ZNF346: variants seen among roughly 807,000 people sequenced by gnomAD.
ZNF346 encodes double-stranded RNA-binding zinc finger protein JAZ.
In ZNF346, 23 loss-of-function variants were observed where a neutral mutation model predicts 33.7. That is an observed-to-expected ratio of 0.68 (90% CI 0.49 to 0.97). The LOEUF (loss-of-function observed/expected upper bound fraction) is 0.97. Among genes scored for constraint, ZNF346 ranks in the 50% least tolerant of loss-of-function variants. The pLI is 0.00. For synonymous variants in ZNF346, 134 were observed against 142.4 expected, an observed-to-expected ratio of 0.94 and a Z score of 0.42; for missense variants, 340 against 371.1, an observed-to-expected ratio of 0.92 and a Z score of 0.69.
intron 5 of ZNF346, among the ~76,000 whole-genome samples, chr5:177,055,135 G>T (rs1219744819): frequency 6.6e-6 from 1 of 150,488 alleles, no homozygotes; most frequent in African/African-American, 2.4e-5. Flanking sequence ...CTGGGTTCAA[G>T]CAATTCTCCT....
At chr5:177,028,954 C>T (rs1000979655) in intron 1 of ZNF346, among the ~76,000 whole-genome samples, 5 of 151,898 alleles carry the variant, frequency 3.3e-5, no homozygotes, top group Admixed American at 2.0e-4. Flanking sequence ...TTCCTGACCT[C>T]GTAATCTGCC....
chr5:177,064,707 G>T lies in ZNF346; in HGVS notation c.*108G>T. ...CGTTGTTCTCACCAGGAAAGTACAC[G>T]GGCCTGAGGCAGGATTGGGCCACAG... is the stretch of plus-strand genomic sequence containing the variant. On this transcript the variant is annotated 3_prime_UTR_variant, in exon 7 of 7. Transcript: ENST00000358149. 1 of 871,916 alleles carries T rather than the reference G, an allele frequency of 1.1e-6. No individual in the cohort carries two copies. The highest frequency in any genetic ancestry group is 2.4e-5 in the East Asian group (1 of 40,866). 54.0% of individuals were successfully genotyped at this position (871,916 alleles called of 1,614,324 possible). A position where few individuals can be genotyped will look rare whatever the true frequency, so the allele number is the denominator to read the frequency against.
At chr5:177,024,157 TACACACACAC>T (rs144403449) in intron 1 of ZNF346, among the ~76,000 whole-genome samples, 6 of 121,358 alleles carry the variant, frequency 4.9e-5, no homozygotes, top group African/African-American at 9.6e-5. Context: ...ATTTTATGTA[TACACACACAC>T]ACACACACAC....
At chr5:177,045,444 T>C (rs1779907009) in intron 4 of ZNF346, among the ~76,000 whole-genome samples, 1 of 151,864 alleles carries the variant, frequency 6.6e-6, no homozygotes, top group Non-Finnish European at 1.5e-5. Context: ...AAGCTCTACC[T>C]CCCAGGTTCA....
chr5:177,067,005 T>C lies in ZNF346; in HGVS notation c.*2406T>C, dbSNP rs1008665996. Among the ~76,000 whole-genome samples, 3 of 152,144 alleles carry C rather than the reference T, an allele frequency of 2.0e-5. No individual in the cohort carries two copies. Among genetic ancestry groups the C allele is most frequent in the African/African-American group, 4.8e-5 (2 of 41,454 alleles). ...TGAACCCGGGAGGCGGAGGGTCGCATTGAGCCAAGATCGTGCCACTGCACT... is the reference window on the plus strand; with the variant it reads ...TGAACCCGGGAGGCGGAGGGTCGCACTGAGCCAAGATCGTGCCACTGCACT... On this transcript the variant is annotated 3_prime_UTR_variant, in exon 7 of 7. Coordinates refer to ENST00000358149, the MANE Select transcript of ZNF346 (RefSeq NM_012279.4).
chr5:177,033,423 A>C (rs1778007268), intron 1 of ZNF346, among the ~76,000 whole-genome samples: 1 of 151,676 alleles, frequency 6.6e-6, no homozygotes, highest in Non-Finnish European at 1.5e-5. Context: ...ATACCTAAAA[A>C]CCCTTTGCCT....
At position 177,060,130 on chromosome 5, in the gene ZNF346, A is replaced by T. The variant is rs138474957; in HGVS notation, c.704-1928A>T. Among the ~76,000 whole-genome samples the T allele has an allele frequency of 8.3e-3, 1,267 of 152,252 alleles. 9 individuals carry two copies. The highest frequency in any genetic ancestry group is 0.014 in the Non-Finnish European group (977 of 68,002). On this transcript the variant is annotated intron_variant, in intron 5 of 6. Coordinates refer to ENST00000358149, the MANE Select transcript of ZNF346 (RefSeq NM_012279.4). ...GGACTGGGAAGCCGCTGCCAGTTTG[A>T]GCTTTACGGGCGGATCATCCTGGTT...
chr5:177,067,879 T>C lies in ZNF346; in HGVS notation c.*3280T>C, dbSNP rs6879812. ...CAGCACTTTGGGAGGCCAAGGCGGG[T>C]GTATCACTTGCGGCCGGGAGTTTAA... On this transcript the variant is annotated 3_prime_UTR_variant, in exon 7 of 7. Coordinates refer to ENST00000358149, the MANE Select transcript of ZNF346 (RefSeq NM_012279.4). 0.03 allele frequency among the ~76,000 whole-genome samples: 4,526 copies of C among 151,936 alleles called. 237 individuals are homozygous for C. Among genetic ancestry groups the C allele is most frequent in the African/African-American group, 0.1 (4,297 of 41,422 alleles).
chr5:177,053,366 G>A (rs1030627761), intron 5 of ZNF346, among the ~76,000 whole-genome samples: 9 of 150,616 alleles, frequency 6.0e-5, no homozygotes, highest in African/African-American at 9.8e-5. Context: ...GCCTAAGCTG[G>A]TCATGAGCTC....
At chr5:177,045,874 G>A (rs1430299285) in intron 4 of ZNF346, among the ~76,000 whole-genome samples, 1 of 152,098 alleles carries the variant, frequency 6.6e-6, no homozygotes, top group East Asian at 1.9e-4. Context: ...AAGTCACAGA[G>A]TCCCAGGTTT....
chr5:177,028,710 T>TC (rs1220436092), intron 1 of ZNF346, among the ~76,000 whole-genome samples: 3 of 51,780 alleles, frequency 5.8e-5, no homozygotes, highest in African/African-American at 4.8e-4. Flanking sequence ...CCCCTTTCTT[T>TC]TTTTTTTTTT....
In ZNF346 at chr5:177,026,128, C is replaced by G. The variant is rs77706173; in HGVS notation, c.175+3215C>G. Among the ~76,000 whole-genome samples the G allele has an allele frequency of 1.6e-3, 246 of 151,796 alleles. 2 individuals are homozygous for G. In the East Asian group the frequency reaches 0.033, roughly 20 times the overall value. On this transcript the variant is annotated intron_variant, in intron 1 of 6. Transcript: ENST00000358149. ...CAAGCGATTCTCCTGCCTCAGCGTC[C>G]CGAGTAGCTGGGATTACAGGTGTTC...
chr5:177,035,750 C>G (rs1041905822), intron 1 of ZNF346, among the ~76,000 whole-genome samples: 6 of 79,018 alleles, frequency 7.6e-5, no homozygotes, highest in African/African-American at 3.4e-4. Flanking sequence ...ATTCTCCTGC[C>G]TCAGCCTCCC....
intron 8 of ZNF346, among the ~76,000 whole-genome samples, chr5:177,075,731 G>C (rs981109711): frequency 1.3e-5 from 2 of 151,274 alleles, no homozygotes; most frequent in African/African-American, 4.9e-5. Context: ...TTGTCGCCCA[G>C]GCTAGAGTGC....
At chr5:177,071,134 C>G (rs1286509129), downstream of ZNF346, among the ~76,000 whole-genome samples, 3 of 152,172 alleles carry the variant, frequency 2.0e-5, no homozygotes, top group African/African-American at 7.2e-5. Flanking sequence ...GGTCTGAGCA[C>G]TGCCACCAGC....
chr5:177,023,543 A>G (rs1776217076), intron 1 of ZNF346, among the ~76,000 whole-genome samples: 2 of 152,186 alleles, frequency 1.3e-5, no homozygotes, highest in South Asian at 4.1e-4. Context: ...AAAGTTGCTG[A>G]GAACAGTGTA....
chr5:177,071,394 A>C (rs1562048562), downstream of ZNF346, among the ~76,000 whole-genome samples: 4 of 151,354 alleles, frequency 2.6e-5, no homozygotes, highest in South Asian at 8.4e-4. Context: ...AGAAAGAAAA[A>C]AGGGGCCAGG....
intron 5 of ZNF346, among the ~76,000 whole-genome samples, chr5:177,053,162 A>G (rs1225577505): frequency 6.6e-6 from 1 of 152,096 alleles, no homozygotes; most frequent in Non-Finnish European, 1.5e-5. Context: ...CTGAAAATAG[A>G]AAAATTAGCT....
chr5:177,037,909 T>C (rs1778738238), intron 1 of ZNF346, among the ~76,000 whole-genome samples: 1 of 152,148 alleles, frequency 6.6e-6, no homozygotes, highest in African/African-American at 2.4e-5. Flanking sequence ...TCTCTCCAAC[T>C]TAATTTCCTA....
Sources: allele counts gnomAD v4.1 joint callset (sites outside exome capture counted in the v4.1 genomes callset), GRCh38; gene constraint gnomAD v4.1.1; transcripts MANE v1.5; gene names NCBI Gene and HGNC (gene_info 2026-07-23, HGNC 2026-07-21).